The following KANSL1 variants were observed in gnomAD, a reference collection of about 807,000 sequenced individuals.
The protein encoded by KANSL1 is KAT8 regulatory NSL complex subunit 1, also known as MLL1/MLL complex subunit KANSL1.
In KANSL1, 22 loss-of-function variants were observed where a neutral mutation model predicts 103.6. The ratio of observed to expected loss-of-function variants is 0.21; its 90% CI spans 0.15 to 0.30. The LOEUF is 0.30. KANSL1 is among the 10% of genes least tolerant of loss of function. The pLI, the probability that KANSL1 is intolerant of heterozygous loss-of-function variation, is 1.00. For missense variants in KANSL1, 1,337 were observed against 1,399.8 expected (o/e 0.96, Z 0.72); for synonymous variants, 600 against 527.6 (o/e 1.14, Z -1.88).
At chr17:46,188,787 T>C (rs961787862) in intron 1 of KANSL1, among the ~76,000 whole-genome samples, 17 of 151,788 alleles carry the variant, frequency 1.1e-4, no homozygotes, top group Non-Finnish European at 1.8e-4. Flanking sequence ...TCCTAGCACT[T>C]TGGGAGGCTG....
chr17:46,211,092 C>T (rs1046548361), intron 1 of KANSL1, among the ~76,000 whole-genome samples: 9 of 151,874 alleles, frequency 5.9e-5, no homozygotes, highest in Non-Finnish European at 1.0e-4. Context: ...TATGTTACAG[C>T]ATGGACAAAT....
intron 1 of KANSL1, among the ~76,000 whole-genome samples, chr17:46,200,359 T>C (rs2047758508): frequency 6.6e-6 from 1 of 152,058 alleles, no homozygotes; most frequent in African/African-American, 2.4e-5. Flanking sequence ...GCAGCCAAGT[T>C]GTGGAGGGCC....
chr17:46,036,874 G>A (rs1044792996), intron 10 of KANSL1, among the ~76,000 whole-genome samples: 4 of 152,090 alleles, frequency 2.6e-5, no homozygotes, highest in African/African-American at 9.7e-5. Context: ...ACCACGCCCA[G>A]TTAATTTTTG....
At chr17:46,057,112 AAAAAT>A (rs2077960443) in intron 6 of KANSL1, among the ~76,000 whole-genome samples, 1 of 152,242 alleles carries the variant, frequency 6.6e-6, no homozygotes, top group Non-Finnish European at 1.5e-5. Context: ...GGAAAACAAA[AAAAAT>A]AAAAATTAAT....
chr17:46,032,662 TAAC>T, intron 13 of KANSL1: 2 of 326,432 alleles, frequency 6.1e-6, no homozygotes, highest in Non-Finnish European at 1.1e-5. Context: ...CTGCCACTGT[TAAC>T]AATAAATGGA....
rs375533550 is a variant in KANSL1 at position 46,066,563 on chromosome 17, T to A, written c.1822A>T (p.Asn608Tyr). 2 of 1,613,372 alleles carry A rather than the reference T, an allele frequency of 1.2e-6. No individual in the cohort carries two copies. Among genetic ancestry groups the A allele is most frequent in the African/African-American group, 2.7e-5 (2 of 74,920 alleles). ...TTCTTGGAAAGAGGAACGATGCTGT[T>A]GGGTCGAACAAGCCTCCGCTTCTTA... ...SCKKRRLVRP[N>Y]SIVPLSKKVH... Residue 608 changes from asparagine (N) to tyrosine (Y), a missense_variant, in exon 6 of 15, where the codon AAC (asparagine) becomes TAC (tyrosine). By Grantham distance (143) the Asn-to-Tyr change is moderately radical. This residue lies in a region of KANSL1 where 780 missense variants were observed against 923.4 expected (regional missense o/e 0.84). Transcript: ENST00000432791.
At chr17:46,157,972 T>G (rs940949153) in intron 2 of KANSL1, among the ~76,000 whole-genome samples, 1 of 152,264 alleles carries the variant, frequency 6.6e-6, no homozygotes, top group Admixed American at 6.5e-5. Context: ...AGAGAAAGAA[T>G]AGTTGTAGCA....
intron 1 of KANSL1, among the ~76,000 whole-genome samples, chr17:46,218,929 A>G (rs1267898380): frequency 6.6e-6 from 1 of 152,210 alleles, no homozygotes; most frequent in African/African-American, 2.4e-5. Context: ...TGAATCTCAG[A>G]GAGATTAAGA....
chr17:46,090,881 A>ATT (rs1468396011), intron 3 of KANSL1, among the ~76,000 whole-genome samples: 13 of 152,268 alleles, frequency 8.5e-5, no homozygotes, highest in South Asian at 2.1e-4. Context: ...ATGTACACTA[A>ATT]GAATATAATA....
chr17:46,052,110 G>A (rs2077730833), intron 6 of KANSL1, among the ~76,000 whole-genome samples: 1 of 152,314 alleles, frequency 6.6e-6, no homozygotes, highest in Admixed American at 6.5e-5. Flanking sequence ...AGAGAAATGA[G>A]TAGGTAGAGA....
At chr17:46,147,217 A>G (rs190801629) in intron 2 of KANSL1, among the ~76,000 whole-genome samples, 232 of 152,334 alleles carry the variant, frequency 1.5e-3, no homozygotes, top group African/African-American at 5.5e-3. Flanking sequence ...AAAATCAACC[A>G]ATATATGTAT....
At chr17:46,048,118 T>G (rs62063673) in intron 7 of KANSL1, among the ~76,000 whole-genome samples, 21,766 of 151,894 alleles carry the variant, frequency 0.14, 2,128 homozygotes, top group Non-Finnish European at 0.22. Context: ...ATGTTGCCCA[T>G]GCTGGTCTCA....
At chr17:46,190,711 T>G (rs888436694) in intron 1 of KANSL1, among the ~76,000 whole-genome samples, 4 of 152,194 alleles carry the variant, frequency 2.6e-5, no homozygotes, top group Admixed American at 6.5e-5. Flanking sequence ...AAATAAAAAG[T>G]CAATCACCTC....
At chr17:46,207,971 T>C (rs1277189552) in intron 1 of KANSL1, among the ~76,000 whole-genome samples, 1 of 151,924 alleles carries the variant, frequency 6.6e-6, no homozygotes, top group Non-Finnish European at 1.5e-5. Flanking sequence ...ATTAGCCAGG[T>C]GTGATGGTAG....
chr17:46,080,003 GAA>G (rs945410255), intron 4 of KANSL1, among the ~76,000 whole-genome samples: 14 of 151,460 alleles, frequency 9.2e-5, no homozygotes, highest in African/African-American at 3.2e-4. Flanking sequence ...GAGAGAAAAA[GAA>G]GAGAGAGGGG....
intron 2 of KANSL1, among the ~76,000 whole-genome samples, chr17:46,135,194 G>A (rs2044066555): frequency 6.6e-6 from 1 of 151,718 alleles, no homozygotes; most frequent in Admixed American, 6.6e-5. Flanking sequence ...AATAGATTCT[G>A]AAATATTTAC....
intron 4 of KANSL1, among the ~76,000 whole-genome samples, chr17:46,068,334 T>C (rs2078456264): frequency 6.6e-6 from 1 of 151,462 alleles, no homozygotes; most frequent in Non-Finnish European, 1.5e-5. Context: ...GAGGCAAAGG[T>C]AGGAGGATCT....
intron 1 of KANSL1, among the ~76,000 whole-genome samples, chr17:46,205,862 G>A (rs1171685811): frequency 1.3e-5 from 2 of 152,192 alleles, no homozygotes; most frequent in East Asian, 1.9e-4. Context: ...TGGGCTGCTT[G>A]AGCGCAGAAG....
At chr17:46,149,591 T>C (rs1226676255) in intron 2 of KANSL1, among the ~76,000 whole-genome samples, 2 of 152,264 alleles carry the variant, frequency 1.3e-5, no homozygotes, top group East Asian at 1.9e-4. Flanking sequence ...AAACTTTACT[T>C]ACAAAAACTT....
Sources: gnomAD v4.1 joint callset for allele counts (sites outside exome capture counted in the v4.1 genomes callset) on GRCh38, gnomAD v4.1.1 for gene constraint, gnomAD v4.1.1 regional missense constraint, MANE v1.5 for transcripts, NCBI Gene and HGNC (gene_info 2026-07-23, HGNC 2026-07-21) for gene names.